Variants in SUSD1 observed in about 807,000 individuals in gnomAD.
The protein encoded by SUSD1 is sushi domain-containing protein 1.
In SUSD1, 65 loss-of-function variants were observed where a neutral mutation model predicts 86.9. The observed-to-expected ratio is 0.75, with a 90% CI of 0.61 to 0.92. The LOEUF is 0.92. SUSD1 is among the 40% of genes least tolerant of loss of function. The pLI is 0.00. For missense variants in SUSD1, 850 were observed against 929.7 expected, an observed-to-expected ratio of 0.91 and a Z score of 1.11; for synonymous variants, 346 against 350.0, an observed-to-expected ratio of 0.99 and a Z score of 0.13.
chr9:112,078,468 C>T, intron 12 of SUSD1, 70 bp downstream of exon 12: 1 of 1,436,956 alleles, frequency 7.0e-7, no homozygotes, highest in Non-Finnish European at 9.5e-7. Context: ...AACAGTGTTC[C>T]TCTTTATCAG....
chr9:112,146,368 G>T (rs989983361), intron 3 of SUSD1, among the ~76,000 whole-genome samples: 3 of 152,088 alleles, frequency 2.0e-5, no homozygotes, highest in Non-Finnish European at 4.4e-5. Flanking sequence ...CCACTGAGTT[G>T]TATACATCAA....
chr9:112,043,632 G>A (rs1017530951), intron 15 of SUSD1, among the ~76,000 whole-genome samples: 27 of 152,202 alleles, frequency 1.8e-4, no homozygotes, highest in African/African-American at 6.5e-4. Context: ...GCTCTGTCTA[G>A]GCAGCAGGCA....
At chr9:112,148,482 C>CCCA (rs1409650565) in intron 3 of SUSD1, among the ~76,000 whole-genome samples, 1 of 152,132 alleles carries the variant, frequency 6.6e-6, no homozygotes, top group African/African-American at 2.4e-5. Flanking sequence ...GAGCCAACAG[C>CCCA]CGGGTGCCAG....
At chr9:112,085,183 A>G (rs976136132) in intron 10 of SUSD1, among the ~76,000 whole-genome samples, 3 of 152,222 alleles carry the variant, frequency 2.0e-5, no homozygotes, top group Non-Finnish European at 4.4e-5. Context: ...ATGGTATTGC[A>G]TTGACCCAGT....
chr9:112,103,138 G>T (rs1375564716), intron 8 of SUSD1: 1 of 461,430 alleles, frequency 2.2e-6, no homozygotes, highest in East Asian at 7.1e-5. Flanking sequence ...CCTTTTATAT[G>T]TGTATTTCTC....
At chr9:112,068,140 G>A (rs796102585) in intron 12 of SUSD1, among the ~76,000 whole-genome samples, 5 of 152,294 alleles carry the variant, frequency 3.3e-5, no homozygotes, top group African/African-American at 9.6e-5. Context: ...AGACAGTTTT[G>A]TAAAGGTAGT....
At chr9:112,138,501 C>T (rs558145893) in intron 5 of SUSD1, among the ~76,000 whole-genome samples, 2 of 150,306 alleles carry the variant, frequency 1.3e-5, no homozygotes, top group Non-Finnish European at 3.0e-5. Flanking sequence ...CTGTGTCACC[C>T]AGGTTGGAGT....
intron 1 of SUSD1, among the ~76,000 whole-genome samples, chr9:112,170,142 G>A (rs1177539941): frequency 2.6e-5 from 4 of 152,196 alleles, no homozygotes; most frequent in African/African-American, 9.7e-5. Flanking sequence ...GGAGGTGGAA[G>A]ACAAGCCATG....
At chr9:112,150,562 T>G (rs1013411525) in intron 2 of SUSD1, among the ~76,000 whole-genome samples, 1 of 152,182 alleles carries the variant, frequency 6.6e-6, no homozygotes, top group Admixed American at 6.6e-5. Context: ...GGACACATAC[T>G]GAGGATTGTG....
chr9:112,144,623 A>C (rs1326827114), intron 3 of SUSD1, among the ~76,000 whole-genome samples: 1 of 152,208 alleles, frequency 6.6e-6, no homozygotes, highest in Non-Finnish European at 1.5e-5. Context: ...AACTTAAAAT[A>C]TAAACAACAT....
In SUSD1 at chr9:112,058,286, A is replaced by T. The variant is rs559074094; in HGVS notation, c.2109+142T>A. The T allele has an allele frequency of 3.4e-4, 390 of 1,160,090 alleles. No individual in the cohort carries two copies. The African/African-American group carries it at 5.6e-3, about 17-fold the overall frequency. 71.9% of individuals were successfully genotyped at this position (1,160,090 alleles called of 1,614,324 possible). The stretch of plus-strand genomic sequence containing the variant: ...TAAGGGTTTCACCTGTCCCTTCTTC[A>T]TAAAGGCAAAGTATTCACAAACATT... On this transcript the variant is annotated intron_variant, in intron 14 of 16. Transcript: ENST00000374270.
In SUSD1 at chr9:112,165,937, A is replaced by AGAAGAAC. The variant is rs1489933373; in HGVS notation, c.104-8325_104-8324insGTTCTTC. On this transcript the variant is annotated intron_variant, in intron 1 of 16. Transcript: ENST00000374270. ...AGGAAGAAAGAAAAGAAAGAAAGAA[A>AGAAGAAC]GAAAGAAGAAAGAAAGAAAGAAAGA... Among the ~76,000 whole-genome samples the AGAAGAAC allele has an allele frequency of 5.5e-3, 655 of 119,728 alleles. 19 individuals carry two copies. Among genetic ancestry groups the AGAAGAAC allele is most frequent in the African/African-American group, 0.021 (619 of 29,092 alleles). 78.5% of individuals were successfully genotyped at this position (119,728 alleles called of 152,430 possible).
intron 1 of SUSD1, among the ~76,000 whole-genome samples, chr9:112,171,951 T>C (rs1356834733): frequency 6.6e-6 from 1 of 152,026 alleles, no homozygotes; most frequent in African/African-American, 2.4e-5. Flanking sequence ...ATCCCAGCAA[T>C]TTGGGAGGCT....
intron 15 of SUSD1, among the ~76,000 whole-genome samples, chr9:112,043,368 C>T (rs1312828584): frequency 6.6e-6 from 1 of 152,094 alleles, no homozygotes; most frequent in Admixed American, 6.6e-5. Context: ...GATCTTGTGG[C>T]CCCCAACCAG....
chr9:112,167,969 G>A (rs1161665775), intron 1 of SUSD1, among the ~76,000 whole-genome samples: 1 of 152,170 alleles, frequency 6.6e-6, no homozygotes, highest in East Asian at 1.9e-4. Flanking sequence ...CAGATCTTGT[G>A]AGACTTATTC....
intron 10 of SUSD1, among the ~76,000 whole-genome samples, chr9:112,092,079 G>A (rs1830227689): frequency 2.0e-5 from 3 of 152,158 alleles, no homozygotes; most frequent in East Asian, 3.8e-4. Flanking sequence ...TGCTCCCTGG[G>A]TACTTATAAG....
chr9:112,089,118 A>T (rs10981254), intron 10 of SUSD1, among the ~76,000 whole-genome samples: 46,329 of 151,968 alleles, frequency 0.3, 7,570 homozygotes, highest in East Asian at 0.55. Context: ...AAAACAAACA[A>T]ATAAACAAAC....
chr9:112,135,726 TGAG>T (rs983936360), intron 5 of SUSD1, among the ~76,000 whole-genome samples: 1 of 152,232 alleles, frequency 6.6e-6, no homozygotes, highest in Non-Finnish European at 1.5e-5. Flanking sequence ...ATGTTTTTGA[TGAG>T]GAGACCTGCC....
chr9:112,083,996 A>G (rs1829872525), intron 10 of SUSD1, among the ~76,000 whole-genome samples: 1 of 152,214 alleles, frequency 6.6e-6, no homozygotes, highest in Non-Finnish European at 1.5e-5. Flanking sequence ...AAATGGCACC[A>G]CTAGTGTCCG....
Sources: allele counts gnomAD v4.1 joint callset (sites outside exome capture counted in the v4.1 genomes callset), GRCh38; gene constraint gnomAD v4.1.1; transcripts MANE v1.5; gene names NCBI Gene and HGNC (gene_info 2026-07-23, HGNC 2026-07-21).